The following CDH7 variants were observed in gnomAD, a reference collection of about 807,000 sequenced individuals.
The protein encoded by CDH7 is cadherin-7.
A neutral mutation model predicts 71.8 loss-of-function variants in CDH7; 25 were observed. The observed-to-expected ratio is 0.35, with a 90% CI of 0.25 to 0.49. CDH7 has a LOEUF of 0.49. CDH7 is among the 20% of genes least tolerant of loss of function. CDH7 has a pLI of 0.99. For missense variants in CDH7, 862 were observed against 974.6 expected, an observed-to-expected ratio of 0.88 and a Z score of 1.54; for synonymous variants, 381 against 363.8, an observed-to-expected ratio of 1.05 and a Z score of -0.54.
chr18:65,842,634 C>T (rs1568214699), intron 6 of CDH7, among the ~76,000 whole-genome samples: 1 of 151,580 alleles, frequency 6.6e-6, no homozygotes, highest in African/African-American at 2.4e-5. Flanking sequence ...ACTTATATAA[C>T]TATTGTTTTA....
chr18:65,769,118 TC>T (rs1438684837), intron 2 of CDH7, among the ~76,000 whole-genome samples: 11 of 152,152 alleles, frequency 7.2e-5, no homozygotes, highest in African/African-American at 2.7e-4. Flanking sequence ...TGGAGGTGGT[TC>T]CCACAGAGGA....
intron 1 of CDH7, among the ~76,000 whole-genome samples, chr18:65,754,742 A>C (rs1334446300): frequency 6.6e-6 from 1 of 152,168 alleles, no homozygotes; most frequent in Non-Finnish European, 1.5e-5. Context: ...AAATGGCCCC[A>C]TATATAGAGT....
chr18:65,771,248 T>C (rs149788609), intron 2 of CDH7, among the ~76,000 whole-genome samples: 1 of 152,294 alleles, frequency 6.6e-6, no homozygotes, highest in African/African-American at 2.4e-5. Context: ...AAATTCATTA[T>C]AATTCATAAG....
intron 2 of CDH7, among the ~76,000 whole-genome samples, chr18:65,769,068 G>T (rs1916467420): frequency 6.6e-6 from 1 of 152,072 alleles, no homozygotes; most frequent in South Asian, 2.1e-4. Context: ...TAATCCCATG[G>T]CAGTGGAAAG....
rs1422696972 is a variant in CDH7, at chr18:65,885,560, A to G, written c.*4666A>G. 1 of 150,088 alleles carries G rather than the reference A, an allele frequency of 6.7e-6. No individual in the cohort carries two copies. The highest frequency in any genetic ancestry group is 6.6e-5 in the Admixed American group (1 of 15,052). 9.3% of individuals were successfully genotyped at this position (150,088 alleles called of 1,614,324 possible). ...GCCCCGCTAATTTTTTTGTATTTTT[A>G]GTACAGACGGGGTTTCACCGTGGTC... On this transcript the variant is annotated 3_prime_UTR_variant, in exon 12 of 12. Coordinates refer to ENST00000397968, the MANE Select transcript of CDH7 (RefSeq NM_004361.5).
intron 3 of CDH7, among the ~76,000 whole-genome samples, chr18:65,813,468 A>G (rs997522339): frequency 6.6e-6 from 1 of 152,240 alleles, no homozygotes; most frequent in Non-Finnish European, 1.5e-5. Context: ...AAGTGGATTT[A>G]TAGCAAAATG....
chr18:65,798,478 G>A (rs1910996937), intron 2 of CDH7, among the ~76,000 whole-genome samples: 1 of 152,240 alleles, frequency 6.6e-6, no homozygotes, highest in African/African-American at 2.4e-5. Flanking sequence ...AGTTGGAAAT[G>A]TGTGTGCATG....
chr18:65,858,257 A>G (rs578201336), intron 8 of CDH7, among the ~76,000 whole-genome samples: 4 of 152,226 alleles, frequency 2.6e-5, no homozygotes, highest in Non-Finnish European at 5.9e-5. Flanking sequence ...TAGTGAAATA[A>G]CTTACAGTAA....
At chr18:65,872,419 A>G (rs896204636) in intron 11 of CDH7, among the ~76,000 whole-genome samples, 4 of 152,194 alleles carry the variant, frequency 2.6e-5, no homozygotes, top group Non-Finnish European at 5.9e-5. Flanking sequence ...TGTTGGCTGG[A>G]AAATTTCAGG....
chr18:65,853,051 A>G (rs746139034), intron 7 of CDH7, among the ~76,000 whole-genome samples: 6 of 152,184 alleles, frequency 3.9e-5, no homozygotes, highest in Non-Finnish European at 7.4e-5. Context: ...TGTCAGCATA[A>G]TAAGTGGATG....
Position 65,882,882 on chromosome 18 carries a change from C to T in CDH7, c.*1988C>T, listed in dbSNP as rs979784040. On this transcript the variant is annotated 3_prime_UTR_variant, in exon 12 of 12. Transcript: ENST00000397968. ...AGGAATTACAGAGTTGTTAAGTCAGCAAGGTGCTGAGAAAACAGTTTGTAA... is the reference window on the plus strand; with the variant it reads ...AGGAATTACAGAGTTGTTAAGTCAGTAAGGTGCTGAGAAAACAGTTTGTAA... 1 of 152,040 alleles carries T rather than the reference C, an allele frequency of 6.6e-6. No homozygotes were observed. The allele number at this position is 152,040 out of a possible 1,614,324, so 9.4% of individuals were successfully genotyped here.
intron 11 of CDH7, among the ~76,000 whole-genome samples, chr18:65,875,532 A>G (rs1219186791): frequency 6.6e-6 from 1 of 152,124 alleles, no homozygotes; most frequent in Non-Finnish European, 1.5e-5. Context: ...CCTTCCTTTT[A>G]TTTATCTTGG....
At chr18:65,869,545 ATT>A (rs10696115) in intron 11 of CDH7, among the ~76,000 whole-genome samples, 13,708 of 89,538 alleles carry the variant, frequency 0.15, 288 homozygotes, top group Non-Finnish European at 0.2. Flanking sequence ...AAGTGGGTCA[ATT>A]TTTTTTTTTT....
At chr18:65,842,851 G>GTTT (rs3061824) in intron 6 of CDH7, among the ~76,000 whole-genome samples, 80,600 of 146,350 alleles carry the variant, frequency 0.55, 23,484 homozygotes, top group East Asian at 0.91. Context: ...TTCCTGTAAA[G>GTTT]TTTTTTTTTT....
intron 2 of CDH7, among the ~76,000 whole-genome samples, chr18:65,775,438 A>G (rs917453284): frequency 2.0e-5 from 3 of 152,232 alleles, no homozygotes; most frequent in Admixed American, 1.3e-4. Flanking sequence ...TTCATTAAGT[A>G]TTAGTTGTTA....
chr18:65,763,041 T>C lies in CDH7; in HGVS notation c.199T>C (p.Tyr67His). 3 of 1,609,050 alleles carry C rather than the reference T, an allele frequency of 1.9e-6. No individual in the cohort carries two copies. The highest frequency in any genetic ancestry group is 2.2e-5 in the East Asian group (1 of 44,756). ...LEEYMGSDPL[Y>H]VGKLHSDVDK... ...GGAATACATGGGTTCAGACCCCCTC[T>C]ATGTAGGAAAGGTAGGGTATTGTGA... The change falls in exon 2 of 12, where the codon TAT (tyrosine) becomes CAT (histidine). Residue 67 changes from tyrosine to histidine, a missense_variant. By Grantham distance (83) the Tyr-to-His change is moderately conservative (BLOSUM62 2). Transcript: ENST00000397968.
At chr18:65,792,185 CTTTTTTTTTTTTTT>C (rs71167149) in intron 2 of CDH7, among the ~76,000 whole-genome samples, 7 of 104,104 alleles carry the variant, frequency 6.7e-5, no homozygotes, top group Non-Finnish European at 1.2e-4. Flanking sequence ...TGCAGCCAGT[CTTTTTTTTTTTTTT>C]TTTTTTTTTT....
At position 65,781,848 on chromosome 18, in the gene CDH7, T is replaced by C. The variant is rs868805677; in HGVS notation, c.210+18796T>C. Among the ~76,000 whole-genome samples the C allele has an allele frequency of 1.2e-3, 112 of 91,992 alleles. 10 individuals are homozygous for C. The highest frequency in any genetic ancestry group is 7.5e-3 in the African/African-American group (105 of 14,086). 60.4% of individuals were successfully genotyped at this position (91,992 alleles called of 152,430 possible). On this transcript the variant is annotated intron_variant, in intron 2 of 11. Transcript: ENST00000397968. ...TTTCTTTCTTTCTTTCTTTCTTTCT[T>C]TCTTTCTTTCTTTCTTTCTCTCTCT...
Position 65,877,732 on chromosome 18 carries a change from G to A in CDH7, c.1865-2669G>A, listed in dbSNP as rs1465559155. On this transcript the variant is annotated intron_variant, in intron 11 of 11. Transcript: ENST00000397968. ...ACTTAATTTGATTTCTCACTAAGAA[G>A]TCCTACTGGGTTCTACTTTCTTTCT... Among the ~76,000 whole-genome samples the A allele has an allele frequency of 2.6e-5, 4 of 152,110 alleles. No individual in the cohort carries two copies. The East Asian group carries it at 7.7e-4, about 29-fold the overall frequency.
Sources: allele counts gnomAD v4.1 joint callset (sites outside exome capture counted in the v4.1 genomes callset), GRCh38; gene constraint gnomAD v4.1.1; transcripts MANE v1.5; gene names NCBI Gene and HGNC (gene_info 2026-07-23, HGNC 2026-07-21).